The following ERGIC2 variants were observed in gnomAD, a reference collection of about 807,000 sequenced individuals.
The protein encoded by ERGIC2 is ERGIC and golgi 2.
In ERGIC2, 31 loss-of-function variants were observed where a neutral mutation model predicts 52.5. The ratio of observed to expected loss-of-function variants is 0.59; its 90% CI spans 0.44 to 0.80. ERGIC2 has a LOEUF of 0.80. ERGIC2 is among the 30% of genes least tolerant of loss of function. The probability of loss-of-function intolerance (pLI) is 0.00; values close to 1 mark genes in which losing one functional copy is unlikely to be tolerated. For missense variants in ERGIC2, 395 were observed against 455.2 expected, an observed-to-expected ratio of 0.87 and a Z score of 1.20; for synonymous variants, 129 against 140.6, an observed-to-expected ratio of 0.92 and a Z score of 0.58.
intron 6 of ERGIC2, among the ~76,000 whole-genome samples, chr12:29,357,972 T>C (rs1940232340): frequency 2.6e-5 from 4 of 152,192 alleles, no homozygotes; most frequent in South Asian, 4.1e-4. Context: ...GGATGTGCCA[T>C]CAGGACCACC....
intron 5 of ERGIC2, among the ~76,000 whole-genome samples, chr12:29,365,701 A>T (rs1381229947): frequency 6.6e-6 from 1 of 151,944 alleles, no homozygotes; most frequent in Non-Finnish European, 1.5e-5. Flanking sequence ...GTTAAAGTTA[A>T]ATAAGTATTC....
At chr12:29,362,167 A>T (rs1940295501) in intron 5 of ERGIC2, among the ~76,000 whole-genome samples, 1 of 152,222 alleles carries the variant, frequency 6.6e-6, no homozygotes, top group Non-Finnish European at 1.5e-5. Context: ...ACAAAGAACT[A>T]CTTAAGAAAT....
chr12:29,376,859 G>A (rs1388386284), intron 1 of ERGIC2, among the ~76,000 whole-genome samples: 1 of 152,104 alleles, frequency 6.6e-6, no homozygotes, highest in Non-Finnish European at 1.5e-5. Flanking sequence ...ACGTAGAAAA[G>A]AACTTTTAAA....
intron 11 of ERGIC2, among the ~76,000 whole-genome samples, chr12:29,343,853 A>C (rs1030241832): frequency 9.3e-4 from 141 of 152,318 alleles, no homozygotes; most frequent in African/African-American, 3.2e-3. Flanking sequence ...GGGCATATAC[A>C]TAATGAAAGA....
chr12:29,379,764 A>C (rs1565547994), intron 1 of ERGIC2, among the ~76,000 whole-genome samples: 1 of 152,188 alleles, frequency 6.6e-6, no homozygotes, highest in Non-Finnish European at 1.5e-5. Flanking sequence ...CTATGACATT[A>C]AGAGGCAGAA....
At chr12:29,352,967 T>TA (rs1458053025) in intron 8 of ERGIC2, among the ~76,000 whole-genome samples, 1 of 152,182 alleles carries the variant, frequency 6.6e-6, no homozygotes, top group Non-Finnish European at 1.5e-5. Context: ...AGCAATTAAC[T>TA]AAAAAACTGA....
chr12:29,366,795 C>T, intron 5 of ERGIC2, 82 bp downstream of exon 5: 2 of 712,484 alleles, frequency 2.8e-6, no homozygotes, highest in Non-Finnish European at 4.5e-6. Flanking sequence ...CTATTTCAGA[C>T]AAAACTAAAA....
In ERGIC2 at chr12:29,338,855, T is replaced by C. The variant is rs772655656; in HGVS notation, c.*2301A>G. 6.6e-6 allele frequency: 1 copy of C among 152,168 alleles called. No homozygotes were observed. Among genetic ancestry groups the C allele is most frequent in the African/African-American group, 2.4e-5 (1 of 41,430 alleles). The allele number at this position is 152,168 out of a possible 1,614,324, so 9.4% of individuals were successfully genotyped here. A position where few individuals can be genotyped will look rare whatever the true frequency, so the allele number is the denominator to read the frequency against. Reference sequence around the variant, plus strand: ...ATATGTAGTCTGGAATATAAACATATAGATATTATGAATACTCTTGTAAAA... The same window carrying C: ...ATATGTAGTCTGGAATATAAACATACAGATATTATGAATACTCTTGTAAAA... On this transcript the variant is annotated 3_prime_UTR_variant, in exon 14 of 14. Coordinates refer to ENST00000360150, the MANE Select transcript of ERGIC2 (RefSeq NM_016570.3).
Position 29,340,695 on chromosome 12 carries a change from A to G in ERGIC2, c.*461T>C. On this transcript the variant is annotated 3_prime_UTR_variant, in exon 14 of 14. Transcript: ENST00000360150. ...CAATGTGACCTGATCACAATTCTTT[A>G]AAGTCTAGACTAGTTTTCCGTATGT... 3.1e-6 allele frequency: 1 copy of G among 327,830 alleles called. No homozygotes were observed. The highest frequency in any genetic ancestry group is 2.6e-5 in the South Asian group (1 of 38,366). The allele number at this position is 327,830 out of a possible 1,614,324, so 20.3% of individuals were successfully genotyped here.
intron 6 of ERGIC2, 143 bp downstream of exon 6, chr12:29,361,502 G>T: frequency 2.1e-6 from 1 of 478,070 alleles, no homozygotes; most frequent in Non-Finnish European, 3.5e-6. Flanking sequence ...TTTTGAAATT[G>T]TAAGGATTAT....
rs1169869804 is a variant in ERGIC2 at position 29,371,685 on chromosome 12, A to C, written c.-37-15T>G. 2 of 1,149,368 alleles carry C rather than the reference A, an allele frequency of 1.7e-6. No homozygotes were observed. Among genetic ancestry groups the C allele is most frequent in the Non-Finnish European group, 2.6e-6 (2 of 773,642 alleles). The allele number at this position is 1,149,368 out of a possible 1,614,324, so 71.2% of individuals were successfully genotyped here. A position where few individuals can be genotyped will look rare whatever the true frequency, so the allele number is the denominator to read the frequency against. ...ATATAGTCATGCTAAGGAATAAATA[A>C]ATTAATGAATAAATGAATCCTTTAA... is the stretch of plus-strand genomic sequence containing the variant. On this transcript the variant is annotated splice_polypyrimidine_tract_variant and intron_variant, in intron 1 of 13. Transcript: ENST00000360150.
intron 9 of ERGIC2, 46 bp downstream of exon 9, chr12:29,349,967 T>C (rs1940108953): frequency 2.4e-6 from 3 of 1,243,078 alleles, no homozygotes; most frequent in Non-Finnish European, 3.5e-6. Flanking sequence ...AAAAATAATA[T>C]TTTTTCAAGT....
chr12:29,350,567 A>G (rs1940117094), intron 8 of ERGIC2, among the ~76,000 whole-genome samples: 1 of 152,096 alleles, frequency 6.6e-6, no homozygotes, highest in Admixed American at 6.6e-5. Context: ...GTATGTGTTG[A>G]GCATATTCAT....
chr12:29,377,568 A>T (rs1940531420), intron 1 of ERGIC2, among the ~76,000 whole-genome samples: 1 of 152,242 alleles, frequency 6.6e-6, no homozygotes, highest in Admixed American at 6.5e-5. Flanking sequence ...ATACTTGTTC[A>T]GTAGGCATGC....
At chr12:29,377,439 CT>C (rs1940529609) in intron 1 of ERGIC2, among the ~76,000 whole-genome samples, 1 of 152,108 alleles carries the variant, frequency 6.6e-6, no homozygotes, top group Admixed American at 6.6e-5. Flanking sequence ...CTCTTGTATA[CT>C]TTAAATGATC....
At chr12:29,362,095 A>C (rs2136868731) in intron 5 of ERGIC2, among the ~76,000 whole-genome samples, 1 of 152,290 alleles carries the variant, frequency 6.6e-6, no homozygotes, top group African/African-American at 2.4e-5. Context: ...TACAATAATA[A>C]AATCAACAAT....
chr12:29,345,925 C>A (rs1940045636), intron 10 of ERGIC2, among the ~76,000 whole-genome samples: 1 of 151,846 alleles, frequency 6.6e-6, no homozygotes, highest in African/African-American at 2.4e-5. Context: ...CCAGCCTGGG[C>A]AACAGAGCAA....
intron 6 of ERGIC2, among the ~76,000 whole-genome samples, chr12:29,358,939 A>C (rs1184688577): frequency 6.6e-6 from 1 of 152,166 alleles, no homozygotes; most frequent in African/African-American, 2.4e-5. Context: ...CGACATAAAA[A>C]GTAGAAACCA....
intron 1 of ERGIC2, among the ~76,000 whole-genome samples, chr12:29,375,260 T>A (rs1431669122): frequency 6.6e-6 from 1 of 152,160 alleles, no homozygotes. Context: ...ATCACACTAT[T>A]TCTAATTGCC....
Sources: allele counts gnomAD v4.1 joint callset (sites outside exome capture counted in the v4.1 genomes callset), GRCh38; gene constraint gnomAD v4.1.1; transcripts MANE v1.5; gene names NCBI Gene and HGNC (gene_info 2026-07-23, HGNC 2026-07-21).